The following GRM8 variants were observed in gnomAD, a reference collection of about 807,000 sequenced individuals.
GRM8 encodes the protein metabotropic glutamate receptor 8.
GRM8 carries 47 observed loss-of-function variants against 87.2 expected under a neutral mutation model. The observed-to-expected ratio is 0.54, with a 90% confidence interval of 0.43 to 0.69. The LOEUF is 0.69. Ranked by LOEUF, GRM8 falls within the 30% of genes least tolerant of loss-of-function variation. The pLI is 0.00. For missense variants in GRM8, 1,019 were observed against 1,139.2 expected (o/e 0.89, Z 1.52); for synonymous variants, 396 against 404.5 (o/e 0.98, Z 0.25).
chr7:127,018,517 A>G (rs1248539447), intron 3 of GRM8, among the ~76,000 whole-genome samples: 3 of 151,270 alleles, frequency 2.0e-5, no homozygotes, highest in Admixed American at 6.6e-5. Flanking sequence ...CAGGGTGGAC[A>G]CTGCTAACTT....
At position 127,149,806 on chromosome 7, in the gene GRM8, G is replaced by GA. The variant is rs1237255411; in HGVS notation, c.511-43095dup. 6.6e-5 allele frequency among the ~76,000 whole-genome samples: 10 copies of GA among 152,058 alleles called. No homozygotes were observed. In the East Asian group the frequency reaches 1.4e-3, roughly 21 times the overall value. The stretch of plus-strand genomic sequence containing the variant: ...TAAGTGAAATAAGGCAGACACGGGG[G>GA]AAAAAAATCACATGACCTCACATGT... On this transcript the variant is annotated intron_variant, in intron 2 of 10. Coordinates refer to ENST00000339582, the MANE Select transcript of GRM8 (RefSeq NM_000845.3).
chr7:126,834,852 C>T (rs779594210), intron 6 of GRM8, among the ~76,000 whole-genome samples: 7 of 152,010 alleles, frequency 4.6e-5, no homozygotes, highest in South Asian at 2.1e-4. Flanking sequence ...AATCCCAGCA[C>T]GTTGGGAGGC....
rs143608961 is a variant in GRM8 at position 126,588,204 on chromosome 7, G to T, written c.1494+21158C>A. ...TACAGGCAAGTCTAGAAGAGTATTA[G>T]AATAACTTAAGAAAGACAGAGCAGA... is the stretch of plus-strand genomic sequence containing the variant. On this transcript the variant is annotated intron_variant, in intron 8 of 10. Coordinates refer to ENST00000339582, the MANE Select transcript of GRM8 (RefSeq NM_000845.3). 1.4e-4 allele frequency among the ~76,000 whole-genome samples: 21 copies of T among 152,314 alleles called. No homozygotes were observed. In the East Asian group the frequency reaches 4.1e-3, roughly 29 times the overall value.
At chr7:126,912,201 A>G (rs1803384970) in intron 3 of GRM8, among the ~76,000 whole-genome samples, 1 of 58,198 alleles carries the variant, frequency 1.7e-5, no homozygotes, top group South Asian at 7.8e-4. Context: ...TGTCTCAAAA[A>G]CAAACAAACA....
At chr7:126,689,337 C>T (rs1472087079) in intron 7 of GRM8, among the ~76,000 whole-genome samples, 3 of 152,074 alleles carry the variant, frequency 2.0e-5, no homozygotes, top group Non-Finnish European at 4.4e-5. Context: ...TTCTTAGCCT[C>T]GGTATCCTCA....
chr7:127,126,171 T>C (rs1051729111), intron 2 of GRM8, among the ~76,000 whole-genome samples: 4 of 152,026 alleles, frequency 2.6e-5, no homozygotes, highest in Admixed American at 2.6e-4. Context: ...AAGATACCTG[T>C]ACTCATATGT....
chr7:127,013,862 A>G (rs1815134906), intron 3 of GRM8, among the ~76,000 whole-genome samples: 2 of 152,184 alleles, frequency 1.3e-5, no homozygotes, highest in Admixed American at 6.5e-5. Context: ...AACATGCAAT[A>G]CAGAAGCAAG....
rs79389193 is a variant in GRM8 at position 126,757,754 on chromosome 7, C to T, written c.1357+12111G>A. 7.0e-4 allele frequency among the ~76,000 whole-genome samples: 106 copies of T among 152,192 alleles called. 1 individual carries two copies. Among genetic ancestry groups the T allele is most frequent in the African/African-American group, 2.4e-3 (99 of 41,534 alleles). ...GAAAGAGGGTCTCTTTCCCAGGCAA[C>T]GACTAAGTTTCTGAAGAGACTCTTA... On this transcript the variant is annotated intron_variant, in intron 7 of 10. Transcript: ENST00000339582.
intron 7 of GRM8, among the ~76,000 whole-genome samples, chr7:126,636,496 A>G (rs893267999): frequency 6.6e-6 from 1 of 152,146 alleles, no homozygotes; most frequent in African/African-American, 2.4e-5. Context: ...TAATGACAAT[A>G]AAAAAGTCTG....
chr7:126,919,854 T>A (rs1804329261), intron 3 of GRM8, among the ~76,000 whole-genome samples: 1 of 152,084 alleles, frequency 6.6e-6, no homozygotes. Context: ...ATTACTTCCA[T>A]CCTGTTACTC....
At chr7:126,721,362 A>G (rs1198651002) in intron 7 of GRM8, among the ~76,000 whole-genome samples, 1 of 152,184 alleles carries the variant, frequency 6.6e-6, no homozygotes, top group Non-Finnish European at 1.5e-5. Flanking sequence ...TTAAAGAATG[A>G]ATATAATGAG....
At chr7:126,583,352 G>GTC (rs202160815) in intron 8 of GRM8, among the ~76,000 whole-genome samples, 2,164 of 136,284 alleles carry the variant, frequency 0.016, 27 homozygotes, top group Non-Finnish European at 0.021. Flanking sequence ...GTGAAACTCT[G>GTC]TCTCACACAC....
At chr7:127,110,758 C>T (rs1054736216) in intron 2 of GRM8, among the ~76,000 whole-genome samples, 4 of 152,144 alleles carry the variant, frequency 2.6e-5, no homozygotes, top group Admixed American at 2.0e-4. Context: ...TTGGGAGCTC[C>T]AGAACAAACA....
chr7:126,788,409 C>CAAAAAAAAAAAAAAAAAAAAAA lies in GRM8; in HGVS notation c.1157-18345_1157-18344insTTTTTTTTTTTTTTTTTTTTTT, dbSNP rs67131936. On this transcript the variant is annotated intron_variant, in intron 6 of 10. Transcript: ENST00000339582. Reference sequence around the variant, plus strand: ...TGGGTATCAGAGCAAGACTCCATCTCAAAAAAAAAAAAAACCCTTTCAGAT... The same window carrying CAAAAAAAAAAAAAAAAAAAAAA: ...TGGGTATCAGAGCAAGACTCCATCTCAAAAAAAAAAAAAAAAAAAAAAAAAAAAAAAAAAAACCCTTTCAGAT... Among the ~76,000 whole-genome samples, 85 of 10,782 alleles carry CAAAAAAAAAAAAAAAAAAAAAA rather than the reference C, an allele frequency of 7.9e-3. 13 individuals carry two copies. The highest frequency in any genetic ancestry group is 0.022 in the African/African-American group (78 of 3,626). The allele number at this position is 10,782 out of a possible 152,430, so 7.1% of individuals were successfully genotyped here.
intron 9 of GRM8, among the ~76,000 whole-genome samples, chr7:126,457,324 G>C (rs1432212980): frequency 1.3e-5 from 2 of 151,262 alleles, no homozygotes; most frequent in Non-Finnish European, 3.0e-5. Context: ...TTAAGTCCTA[G>C]AAAGAAAGGA....
intron 3 of GRM8, among the ~76,000 whole-genome samples, chr7:126,949,201 A>C (rs1807870056): frequency 6.6e-6 from 1 of 152,190 alleles, no homozygotes; most frequent in Non-Finnish European, 1.5e-5. Context: ...GCAGTCAAGC[A>C]CCTTGCCTAT....
At chr7:126,747,526 G>A (rs1281148775) in intron 7 of GRM8, among the ~76,000 whole-genome samples, 1 of 151,930 alleles carries the variant, frequency 6.6e-6, no homozygotes, top group East Asian at 1.9e-4. Flanking sequence ...AACACATCAA[G>A]AAACTACAAT....
At chr7:126,830,216 A>G (rs1448225525) in intron 6 of GRM8, among the ~76,000 whole-genome samples, 8 of 152,046 alleles carry the variant, frequency 5.3e-5, no homozygotes, top group East Asian at 1.9e-4. Context: ...TCTTTGTGGC[A>G]TTCTCTGTAT....
At chr7:127,011,543 C>T (rs1475353864) in intron 3 of GRM8, among the ~76,000 whole-genome samples, 1 of 152,012 alleles carries the variant, frequency 6.6e-6, no homozygotes, top group Non-Finnish European at 1.5e-5. Flanking sequence ...TGCCTGAAGC[C>T]TAATGAAGAC....
Sources: gnomAD v4.1 joint callset for allele counts (sites outside exome capture counted in the v4.1 genomes callset) on GRCh38, gnomAD v4.1.1 for gene constraint, MANE v1.5 for transcripts, NCBI Gene and HGNC (gene_info 2026-07-23, HGNC 2026-07-21) for gene names.